CDK5RAP2: variants seen among roughly 807,000 people sequenced by gnomAD.
CDK5RAP2 encodes CDK5 regulatory subunit associated protein 2.
A neutral mutation model predicts 232.9 loss-of-function variants in CDK5RAP2; 147 were observed. That is an observed-to-expected ratio of 0.63 (90% CI 0.55 to 0.72). The LOEUF (loss-of-function observed/expected upper bound fraction) is 0.72, where lower values mean the gene tolerates loss of function less well. Among genes scored for constraint, CDK5RAP2 ranks in the 30% least tolerant of loss-of-function variants. The pLI is 0.00. For synonymous variants in CDK5RAP2, 833 were observed against 833.7 expected (o/e 1.00, Z 0.01); for missense variants, 2,195 against 2,231.5 (o/e 0.98, Z 0.33).
chr9:120,492,502 C>A (rs1038237433), intron 12 of CDK5RAP2, among the ~76,000 whole-genome samples: 13 of 152,134 alleles, frequency 8.5e-5, no homozygotes, highest in African/African-American at 3.1e-4. Flanking sequence ...ACGTTGCAAT[C>A]ATTTAAACGT....
chr9:120,541,873 C>T (rs1415294807), intron 5 of CDK5RAP2, among the ~76,000 whole-genome samples: 2 of 152,202 alleles, frequency 1.3e-5, no homozygotes, highest in Non-Finnish European at 2.9e-5. Flanking sequence ...TGGGCTAACA[C>T]ACAAGGTGGG....
At chr9:120,398,919 G>A (rs2131244960) in intron 35 of CDK5RAP2, among the ~76,000 whole-genome samples, 1 of 152,276 alleles carries the variant, frequency 6.6e-6, no homozygotes, top group East Asian at 1.9e-4. Flanking sequence ...CTTGGAAATG[G>A]AAATCAGCAT....
intron 23 of CDK5RAP2, among the ~76,000 whole-genome samples, chr9:120,443,076 T>C (rs1197130564): frequency 6.6e-6 from 1 of 152,168 alleles, no homozygotes; most frequent in South Asian, 2.1e-4. Flanking sequence ...CTTCTAATAC[T>C]TCATAATTTT....
chr9:120,505,910 G>A (rs776641225), intron 12 of CDK5RAP2, among the ~76,000 whole-genome samples: 2 of 152,248 alleles, frequency 1.3e-5, no homozygotes, highest in Admixed American at 6.5e-5. Flanking sequence ...ACATAAAAGT[G>A]TAAGGTAAAG....
intron 28 of CDK5RAP2, 21 bp from the exon 29 acceptor site, chr9:120,411,495 A>AGT: frequency 7.5e-7 from 1 of 1,326,538 alleles, no homozygotes; most frequent in Non-Finnish European, 1.1e-6. Flanking sequence ...ACACATAAAA[A>AGT]CTGATTTATA....
intron 15 of CDK5RAP2, among the ~76,000 whole-genome samples, chr9:120,472,226 C>T (rs536575857): frequency 1.2e-4 from 18 of 152,274 alleles, no homozygotes; most frequent in Admixed American, 6.5e-4. Flanking sequence ...TTTTTAATGA[C>T]TATATAATAT....
chr9:120,472,392 G>T (rs577032220), intron 15 of CDK5RAP2, among the ~76,000 whole-genome samples: 1 of 152,256 alleles, frequency 6.6e-6, no homozygotes, highest in East Asian at 1.9e-4. Flanking sequence ...GCCCCAAGAG[G>T]GCTTGGGTAT....
chr9:120,570,920 G>C (rs544076671), intron 2 of CDK5RAP2, among the ~76,000 whole-genome samples: 1 of 152,206 alleles, frequency 6.6e-6, no homozygotes, highest in Admixed American at 6.5e-5. Flanking sequence ...CCAGCACTTC[G>C]GGAAGCTGAG....
At chr9:120,469,829 T>C (rs2037591989) in intron 17 of CDK5RAP2, among the ~76,000 whole-genome samples, 2 of 151,806 alleles carry the variant, frequency 1.3e-5, no homozygotes, top group African/African-American at 4.8e-5. Flanking sequence ...AAAAAAGAGG[T>C]GAACAGCCTG....
chr9:120,512,030 G>A (rs185148280), intron 12 of CDK5RAP2, among the ~76,000 whole-genome samples: 183 of 151,832 alleles, frequency 1.2e-3, no homozygotes, highest in African/African-American at 4.3e-3. Flanking sequence ...GAGCCACCGC[G>A]CCCGGCCACA....
chr9:120,433,629 A>G (rs780270439), intron 25 of CDK5RAP2, among the ~76,000 whole-genome samples: 1 of 152,222 alleles, frequency 6.6e-6, no homozygotes, highest in Non-Finnish European at 1.5e-5. Flanking sequence ...TTATTTCTCT[A>G]TGCCTCAGTT....
At chr9:120,476,903 T>C (rs1204869839) in intron 15 of CDK5RAP2, among the ~76,000 whole-genome samples, 2 of 152,158 alleles carry the variant, frequency 1.3e-5, no homozygotes, top group African/African-American at 4.8e-5. Context: ...ATAGGGAGAC[T>C]TGCTTGAGTC....
intron 12 of CDK5RAP2, among the ~76,000 whole-genome samples, chr9:120,506,158 A>C (rs2039801473): frequency 6.6e-6 from 1 of 152,238 alleles, no homozygotes; most frequent in South Asian, 2.1e-4. Flanking sequence ...ACTGGAAGCC[A>C]GTGCTCACTT....
At chr9:120,439,281 C>G (rs140975514) in intron 24 of CDK5RAP2, 118 bp downstream of exon 24, 3 of 950,300 alleles carry the variant, frequency 3.2e-6, no homozygotes, top group East Asian at 4.8e-5. Flanking sequence ...CAAGCCTTCC[C>G]CAGAACACAC....
At chr9:120,486,131 G>T (rs748816946) in intron 14 of CDK5RAP2, among the ~76,000 whole-genome samples, 1 of 152,040 alleles carries the variant, frequency 6.6e-6, no homozygotes, top group Non-Finnish European at 1.5e-5. Context: ...AGCTGCCCTG[G>T]TCCCTCCCTA....
intron 18 of CDK5RAP2, among the ~76,000 whole-genome samples, chr9:120,463,531 G>GTAT (rs1482701745): frequency 1.3e-5 from 2 of 152,200 alleles, no homozygotes; most frequent in Non-Finnish European, 1.5e-5. Flanking sequence ...AGACCTTGTT[G>GTAT]TATTAATGAG....
chr9:120,482,668 G>A (rs139498331), intron 14 of CDK5RAP2, among the ~76,000 whole-genome samples: 31 of 152,342 alleles, frequency 2.0e-4, no homozygotes, highest in African/African-American at 7.2e-4. Flanking sequence ...GCAAGCAGCA[G>A]TGTCCTGAGC....
In CDK5RAP2 at chr9:120,411,443, C is replaced by T; in HGVS notation, c.4329G>A (p.Glu1443=). 6.2e-7 allele frequency: 1 copy of T among 1,612,718 alleles called. No individual in the cohort carries two copies. The highest frequency in any genetic ancestry group is 8.5e-7 in the Non-Finnish European group (1 of 1,178,850). The change falls in exon 29 of 38, where the codon GAG becomes GAA. Residue 1443 remains glutamate (E), a synonymous_variant. Coordinates refer to ENST00000349780, the MANE Select transcript of CDK5RAP2 (RefSeq NM_018249.6). Reference sequence around the variant, plus strand: ...TTTCTGATGTTAGAGAACTATGAAGCTCTGAACCAGAAGCAAAAATGCTTG... The same window carrying T: ...TTTCTGATGTTAGAGAACTATGAAGTTCTGAACCAGAAGCAAAAATGCTTG... ...GSTSIFASGS[E]LHSSLTSEIH... is the part of the protein sequence containing the mutation.
intron 5 of CDK5RAP2, among the ~76,000 whole-genome samples, chr9:120,545,196 G>A (rs2041791869): frequency 2.0e-5 from 3 of 151,930 alleles, no homozygotes; most frequent in Admixed American, 1.3e-4. Flanking sequence ...TCACCCATCA[G>A]GACCCCTTCA....
Sources: gnomAD v4.1 joint callset for allele counts (sites outside exome capture counted in the v4.1 genomes callset) on GRCh38, gnomAD v4.1.1 for gene constraint, MANE v1.5 for transcripts, NCBI Gene and HGNC (gene_info 2026-07-23, HGNC 2026-07-21) for gene names.